The following CTNNA2 variants were observed in gnomAD, a reference collection of about 807,000 sequenced individuals.
CTNNA2 encodes catenin alpha-2.
In CTNNA2, 42 loss-of-function variants were observed where a neutral mutation model predicts 101.0. That is an observed-to-expected ratio of 0.42 (90% confidence interval 0.32 to 0.54). The LOEUF (loss-of-function observed/expected upper bound fraction) is 0.54, where lower values mean the gene tolerates loss of function less well. Ranked by LOEUF, CTNNA2 falls within the 20% of genes least tolerant of loss-of-function variation. The pLI is 0.14. For missense variants in CTNNA2, 871 were observed against 1,223.1 expected, an observed-to-expected ratio of 0.71 and a Z score of 4.29; for synonymous variants, 450 against 456.4, an observed-to-expected ratio of 0.99 and a Z score of 0.18.
intron 14 of CTNNA2, among the ~76,000 whole-genome samples, chr2:80,587,190 G>A (rs1367418554): frequency 6.6e-6 from 1 of 152,034 alleles, no homozygotes; most frequent in African/African-American, 2.4e-5. Flanking sequence ...ATTAAAATGG[G>A]GATAGTAATA....
intron 1 of CTNNA2, among the ~76,000 whole-genome samples, chr2:79,626,759 G>T (rs569865612): frequency 6.6e-6 from 1 of 151,748 alleles, no homozygotes; most frequent in Non-Finnish European, 1.5e-5. Flanking sequence ...ATTGCTGAAG[G>T]GTTTTAGGTA....
intron 9 of CTNNA2, among the ~76,000 whole-genome samples, chr2:80,529,312 T>G (rs1690318172): frequency 6.6e-6 from 1 of 152,230 alleles, no homozygotes; most frequent in South Asian, 2.1e-4. Flanking sequence ...AACGAGCCAC[T>G]GGCTATATTT....
intron 9 of CTNNA2, among the ~76,000 whole-genome samples, chr2:80,519,763 CAT>C (rs1267625447): frequency 1.3e-5 from 2 of 152,162 alleles, no homozygotes; most frequent in Non-Finnish European, 2.9e-5. Context: ...TGAAATAGCC[CAT>C]AGCACAGTAG....
At chr2:79,425,363 A>T (rs1403232395) in intron 4 of CTNNA2, among the ~76,000 whole-genome samples, 1 of 152,120 alleles carries the variant, frequency 6.6e-6, no homozygotes, top group Non-Finnish European at 1.5e-5. Flanking sequence ...ATTTTAGTCC[A>T]TTTGTGCTGC....
chr2:80,616,014 T>A (rs781343262), intron 17 of CTNNA2, among the ~76,000 whole-genome samples: 6 of 151,760 alleles, frequency 4.0e-5, no homozygotes, highest in Non-Finnish European at 7.4e-5. Flanking sequence ...ATCTTTTCTT[T>A]TATCATCAAT....
At chr2:79,789,092 A>G (rs1179227460) in intron 3 of CTNNA2, among the ~76,000 whole-genome samples, 1 of 152,212 alleles carries the variant, frequency 6.6e-6, no homozygotes. Flanking sequence ...ATTAAATGTT[A>G]CAATCGTCAT....
At chr2:80,507,487 T>C (rs969903065) in intron 9 of CTNNA2, among the ~76,000 whole-genome samples, 7 of 152,198 alleles carry the variant, frequency 4.6e-5, no homozygotes, top group African/African-American at 7.2e-5. Context: ...ATGACACATT[T>C]ACTAATCTTT....
intron 3 of CTNNA2, among the ~76,000 whole-genome samples, chr2:79,765,499 T>A (rs1673090164): frequency 6.6e-6 from 1 of 152,186 alleles, no homozygotes; most frequent in Non-Finnish European, 1.5e-5. Flanking sequence ...AAATTCTATA[T>A]GCACATTGAA....
intron 6 of CTNNA2, among the ~76,000 whole-genome samples, chr2:79,892,123 T>A (rs1336182338): frequency 6.6e-6 from 1 of 152,182 alleles, no homozygotes; most frequent in African/African-American, 2.4e-5. Context: ...TTTAAGTAGA[T>A]AAAATCAACT....
In CTNNA2 at chr2:79,457,856, A is replaced by T. The variant is rs192734602; in HGVS notation, c.-134-47198A>T. On this transcript the variant is annotated intron_variant, in intron 4 of 21. Transcript: ENST00000466387. ...TTCCCCTACCTCTCCTTTTACTCTC[A>T]ACTAGCATTTCATCCCAGGAGATAG... 3.3e-5 allele frequency among the ~76,000 whole-genome samples: 5 copies of T among 152,294 alleles called. No individual in the cohort carries two copies. The East Asian group carries it at 9.7e-4, about 29-fold the overall frequency.
intron 1 of CTNNA2, among the ~76,000 whole-genome samples, chr2:79,189,821 T>G (rs981129284): frequency 6.6e-6 from 1 of 152,170 alleles, no homozygotes; most frequent in Non-Finnish European, 1.5e-5. Flanking sequence ...TCCTGGGCTG[T>G]GAAACTGACA....
intron 9 of CTNNA2, among the ~76,000 whole-genome samples, chr2:80,541,541 G>T (rs1002094281): frequency 6.6e-6 from 1 of 152,124 alleles, no homozygotes; most frequent in Admixed American, 6.6e-5. Flanking sequence ...GATACACAAA[G>T]AAAAGTTTAT....
intron 7 of CTNNA2, among the ~76,000 whole-genome samples, chr2:80,139,182 C>T (rs1000372073): frequency 6.6e-6 from 1 of 152,144 alleles, no homozygotes; most frequent in South Asian, 2.1e-4. Flanking sequence ...CCTCCCCAAA[C>T]CTATGGATGT....
chr2:80,375,319 G>C (rs1675837819), intron 7 of CTNNA2, among the ~76,000 whole-genome samples: 1 of 152,090 alleles, frequency 6.6e-6, no homozygotes, highest in Admixed American at 6.5e-5. Context: ...CTCAGGATGA[G>C]GAAGAGAGGG....
intron 1 of CTNNA2, among the ~76,000 whole-genome samples, chr2:79,552,935 C>T (rs1674204669): frequency 6.6e-6 from 1 of 152,198 alleles, no homozygotes; most frequent in African/African-American, 2.4e-5. Flanking sequence ...AGGACTTTTC[C>T]CCATTATCTT....
chr2:80,348,990 G>A (rs1673040659), intron 7 of CTNNA2, among the ~76,000 whole-genome samples: 1 of 152,164 alleles, frequency 6.6e-6, no homozygotes, highest in African/African-American at 2.4e-5. Context: ...GGTTATTTCA[G>A]ATTGTATATT....
intron 1 of CTNNA2, among the ~76,000 whole-genome samples, chr2:79,626,270 C>A (rs1183537023): frequency 6.6e-6 from 1 of 152,122 alleles, no homozygotes; most frequent in Non-Finnish European, 1.5e-5. Flanking sequence ...AACCAGGGAG[C>A]AGTGGTCCCA....
chr2:80,532,741 G>T (rs549326105), intron 9 of CTNNA2, among the ~76,000 whole-genome samples: 41 of 151,986 alleles, frequency 2.7e-4, no homozygotes, highest in Middle Eastern at 3.4e-3. Flanking sequence ...TTGTGTGTGT[G>T]TTTTTTTTAA....
At chr2:80,608,357 C>G (rs568906492) in intron 17 of CTNNA2, 39 bp downstream of exon 17, 1 of 1,578,868 alleles carries the variant, frequency 6.3e-7, no homozygotes, top group Non-Finnish European at 8.7e-7. Context: ...AAGTTCCCAC[C>G]GTTGCACTTC....
Sources: allele counts gnomAD v4.1 joint callset (sites outside exome capture counted in the v4.1 genomes callset), GRCh38; gene constraint gnomAD v4.1.1; transcripts MANE v1.5; gene names NCBI Gene and HGNC (gene_info 2026-07-23, HGNC 2026-07-21).